PLXDC1: variants seen among roughly 807,000 people sequenced by gnomAD.
PLXDC1 encodes plexin domain-containing protein 1.
In PLXDC1, 39 loss-of-function variants were observed where a neutral mutation model predicts 61.3. That is an observed-to-expected ratio of 0.64 (90% confidence interval 0.49 to 0.83). The LOEUF (loss-of-function observed/expected upper bound fraction) is 0.83. Ranked by LOEUF, PLXDC1 falls within the 40% of genes least tolerant of loss-of-function variation. The pLI is 0.00. For missense variants in PLXDC1, 596 were observed against 666.5 expected (o/e 0.89, Z 1.17); for synonymous variants, 212 against 254.5 (o/e 0.83, Z 1.59).
At chr17:39,131,509 T>C (rs997395290) in intron 2 of PLXDC1, among the ~76,000 whole-genome samples, 14 of 152,072 alleles carry the variant, frequency 9.2e-5, no homozygotes, top group African/African-American at 1.7e-4. Context: ...TGCACCACCA[T>C]GCCCAGCTAA....
At chr17:39,140,316 C>CTTTTT (rs772766013) in intron 1 of PLXDC1, among the ~76,000 whole-genome samples, 3 of 151,024 alleles carry the variant, frequency 2.0e-5, no homozygotes, top group Non-Finnish European at 2.9e-5. Context: ...TTTTCTTTTT[C>CTTTTT]TTTTTTTGAA....
rs192173289 is a variant in PLXDC1, at chr17:39,091,585, G to A, written c.812-3883C>T. ...GAGGAGTCCAGGTGGTCCCCAAGGC[G>A]AGCACTGCGCAGGTGTGGGCTTTAT... On this transcript the variant is annotated intron_variant, in intron 7 of 13. Transcript: ENST00000315392. Among the ~76,000 whole-genome samples, 348 of 152,268 alleles carry A rather than the reference G, an allele frequency of 2.3e-3. 1 individual carries two copies. The highest frequency in any genetic ancestry group is 1.5e-3 in the East Asian group (8 of 5,170).
In PLXDC1 at chr17:39,091,507, G is replaced by T. The variant is rs147291116; in HGVS notation, c.812-3805C>A. ...CCCTCCCTTCCTTCCATCCCAGGCA[G>T]ATCAGGGAACTTGCTCCTCCTCAGG... On this transcript the variant is annotated intron_variant, in intron 7 of 13. Transcript: ENST00000315392. Among the ~76,000 whole-genome samples the T allele has an allele frequency of 2.1e-3, 323 of 152,248 alleles. 1 individual carries two copies. The highest frequency in any genetic ancestry group is 7.0e-3 in the African/African-American group (290 of 41,534).
Position 39,063,645 on chromosome 17 carries a change from CTGAGAA to C in PLXDC1, c.*4189_*4194del. 2 of 612,430 alleles carry C rather than the reference CTGAGAA, an allele frequency of 3.3e-6. No individual in the cohort carries two copies. The highest frequency in any genetic ancestry group is 5.8e-6 in the Non-Finnish European group (2 of 344,304). 37.9% of individuals were successfully genotyped at this position (612,430 alleles called of 1,614,324 possible). ...AGAATGCTTCCTTTTATTATTAACACTGAGAATCCATGCAGAGAGTTTACACTAAAC... is the reference window on the plus strand; with the variant it reads ...AGAATGCTTCCTTTTATTATTAACACTCCATGCAGAGAGTTTACACTAAAC... On this transcript the variant is annotated 3_prime_UTR_variant, in exon 14 of 14. Transcript: ENST00000315392.
chr17:39,114,668 C>G (rs1321176829), intron 2 of PLXDC1, among the ~76,000 whole-genome samples: 4 of 152,158 alleles, frequency 2.6e-5, no homozygotes, highest in African/African-American at 9.7e-5. Flanking sequence ...TTACAGGTAC[C>G]ACTACATATT....
At chr17:39,125,637 T>C (rs16489) in intron 2 of PLXDC1, among the ~76,000 whole-genome samples, 96,730 of 151,962 alleles carry the variant, frequency 0.64, 31,180 homozygotes, top group East Asian at 0.76. Context: ...AGTGTTTTTT[T>C]ATATGTATGT....
At chr17:39,129,624 G>C (rs1176734264) in intron 2 of PLXDC1, among the ~76,000 whole-genome samples, 1 of 122,626 alleles carries the variant, frequency 8.2e-6, no homozygotes, top group East Asian at 2.5e-4. Flanking sequence ...CAGAAAGAAA[G>C]AAAGAAAAGA....
intron 2 of PLXDC1, among the ~76,000 whole-genome samples, chr17:39,110,083 G>A (rs973394160): frequency 3.9e-5 from 6 of 152,010 alleles, no homozygotes; most frequent in Non-Finnish European, 8.8e-5. Context: ...CCGAGATCGC[G>A]CCACTGCACT....
chr17:39,075,788 A>C (rs1374301724), intron 11 of PLXDC1, among the ~76,000 whole-genome samples: 2 of 152,184 alleles, frequency 1.3e-5, no homozygotes, highest in African/African-American at 2.4e-5. Flanking sequence ...TTAGAAAGGC[A>C]GGGGACACAC....
At chr17:39,104,643 G>A (rs1163737300) in intron 7 of PLXDC1, among the ~76,000 whole-genome samples, 1 of 152,126 alleles carries the variant, frequency 6.6e-6, no homozygotes, top group African/African-American at 2.4e-5. Flanking sequence ...AATTAGCCAG[G>A]CATGGTGGCA....
At chr17:39,102,275 G>T (rs552948421) in intron 7 of PLXDC1, among the ~76,000 whole-genome samples, 2 of 152,294 alleles carry the variant, frequency 1.3e-5, no homozygotes, top group Admixed American at 1.3e-4. Context: ...CAACTCATTA[G>T]ATGGTGACAG....
At chr17:39,096,944 A>G in intron 7 of PLXDC1, 5 of 471,288 alleles carry the variant, frequency 1.1e-5, no homozygotes, top group East Asian at 6.9e-5. Flanking sequence ...TCTTTTCACC[A>G]AAGATGCTTT....
At chr17:39,107,257 G>T in intron 6 of PLXDC1, 150 bp downstream of exon 6, 1 of 573,324 alleles carries the variant, frequency 1.7e-6, no homozygotes, top group Middle Eastern at 4.7e-4. Context: ...CAGACTTACT[G>T]CTCCAAAAGG....
intron 2 of PLXDC1, among the ~76,000 whole-genome samples, chr17:39,118,669 C>T (rs1911068841): frequency 6.6e-6 from 1 of 152,228 alleles, no homozygotes; most frequent in South Asian, 2.1e-4. Context: ...GTAGGCCCTG[C>T]TGAGTTGACT....
At chr17:39,097,835 G>A (rs767784774) in intron 7 of PLXDC1, among the ~76,000 whole-genome samples, 63 of 150,090 alleles carry the variant, frequency 4.2e-4, no homozygotes, top group Non-Finnish European at 8.0e-4. Flanking sequence ...CCAGAAAGTT[G>A]AGGTTGCAGT....
intron 2 of PLXDC1, among the ~76,000 whole-genome samples, chr17:39,121,452 A>G (rs1255797668): frequency 6.6e-6 from 1 of 152,178 alleles, no homozygotes; most frequent in Non-Finnish European, 1.5e-5. Flanking sequence ...TTTCTCTGCC[A>G]ACACCACTGT....
chr17:39,140,825 G>T (rs926841551), intron 1 of PLXDC1, among the ~76,000 whole-genome samples: 3 of 152,168 alleles, frequency 2.0e-5, no homozygotes, highest in Non-Finnish European at 2.9e-5. Flanking sequence ...ATTTGGACTG[G>T]ATAATTCCTT....
chr17:39,083,316 T>C (rs1002055452), intron 9 of PLXDC1, 143 bp downstream of exon 9: 1 of 698,070 alleles, frequency 1.4e-6, no homozygotes, highest in Non-Finnish European at 2.6e-6. Flanking sequence ...GGCCATGTTC[T>C]TGTCCCAAGA....
rs1908793968 is a variant in PLXDC1, at chr17:39,063,738, C to A, written c.*4102G>T. 2.1e-6 allele frequency: 1 copy of A among 478,290 alleles called. No individual in the cohort carries two copies. The allele number at this position is 478,290 out of a possible 1,614,324, so 29.6% of individuals were successfully genotyped here. ...TCAGTCCCCAGATCTTTGAATTCTA[C>A]CATTAAGTTCAGGTAGGTTTTTGGA... On this transcript the variant is annotated 3_prime_UTR_variant, in exon 14 of 14. Coordinates refer to ENST00000315392, the MANE Select transcript of PLXDC1 (RefSeq NM_020405.5).
Sources: gnomAD v4.1 joint callset for allele counts (sites outside exome capture counted in the v4.1 genomes callset) on GRCh38, gnomAD v4.1.1 for gene constraint, MANE v1.5 for transcripts, NCBI Gene and HGNC (gene_info 2026-07-23, HGNC 2026-07-21) for gene names.